The following ANKFN1 variants were observed in gnomAD, a reference collection of about 807,000 sequenced individuals.
The protein encoded by ANKFN1 is ankyrin repeat and fibronectin type-III domain-containing protein 1.
Under a neutral mutation model 108.7 loss-of-function variants are expected in ANKFN1, and 74 were observed. The ratio of observed to expected loss-of-function variants is 0.68; its 90% CI spans 0.56 to 0.83. ANKFN1 has a LOEUF of 0.83. Ranked by LOEUF, ANKFN1 falls within the 40% of genes least tolerant of loss-of-function variation. The pLI is 0.00. For missense variants in ANKFN1, 1,505 were observed against 1,382.3 expected, an observed-to-expected ratio of 1.09 and a Z score of -1.41; for synonymous variants, 547 against 516.2, an observed-to-expected ratio of 1.06 and a Z score of -0.81.
chr17:56,496,004 T>A (rs1255781756), intron 19 of ANKFN1, among the ~76,000 whole-genome samples: 1 of 152,110 alleles, frequency 6.6e-6, no homozygotes, highest in African/African-American at 2.4e-5. Context: ...TTTTTTAAAA[T>A]GTGTCAGCAA....
Position 56,510,616 on chromosome 17 carries a change from A to G in ANKFN1, c.2788A>G (p.Ser930Gly). The G allele has an allele frequency of 6.5e-7, 1 of 1,536,146 alleles. No homozygotes were observed. The highest frequency in any genetic ancestry group is 8.7e-7 in the Non-Finnish European group (1 of 1,146,912). Residue 930 changes from serine to glycine, a missense_variant, in exon 21 of 21, where the codon AGC (serine) becomes GGC (glycine). Transcript: ENST00000682825. The part of the protein sequence containing the change: ...SSHDIAQQTL[S>G]GLSGSAPDVL... ...TCACGACATTGCGCAGCAGACCCTT[A>G]GCGGCCTAAGCGGCAGCGCCCCCGA...
Position 56,426,842 on chromosome 17 carries a change from C to A in ANKFN1, c.911-13485C>A, listed in dbSNP as rs147293100. Among the ~76,000 whole-genome samples, 328 of 152,316 alleles carry A rather than the reference C, an allele frequency of 2.2e-3. 1 individual carries two copies. Among genetic ancestry groups the A allele is most frequent in the African/African-American group, 7.5e-3 (310 of 41,566 alleles). On this transcript the variant is annotated intron_variant, in intron 8 of 20. Transcript: ENST00000682825. The stretch of plus-strand genomic sequence containing the variant: ...ATGGAGATTTATGTCTCAACATCAG[C>A]CAGTCTGATCATCACAAAAGCAGAA...
At chr17:56,125,551 C>T (rs958154616) in intron 4 of ANKFN1, among the ~76,000 whole-genome samples, 2 of 152,160 alleles carry the variant, frequency 1.3e-5, no homozygotes, top group African/African-American at 2.4e-5. Flanking sequence ...TTACCATGTT[C>T]CAGATACTGG....
Position 56,322,993 on chromosome 17 carries a change from C to T in ANKFN1, c.54-3228C>T, listed in dbSNP as rs529257467. Among the ~76,000 whole-genome samples, 3 of 152,256 alleles carry T rather than the reference C, an allele frequency of 2.0e-5. 1 individual carries two copies. In the South Asian group the frequency reaches 6.2e-4, roughly 32 times the overall value. On this transcript the variant is annotated intron_variant, in intron 3 of 20. Transcript: ENST00000682825. Reference sequence around the variant, plus strand: ...CTTTCTTAATTTTACTGAGCACTTACTAGGGCTGGAGGTGTAGTGGCTGAA... The same window carrying T: ...CTTTCTTAATTTTACTGAGCACTTATTAGGGCTGGAGGTGTAGTGGCTGAA...
At chr17:56,121,961 G>A (rs1210200124) in intron 4 of ANKFN1, among the ~76,000 whole-genome samples, 2 of 152,110 alleles carry the variant, frequency 1.3e-5, no homozygotes, top group Non-Finnish European at 2.9e-5. Context: ...GCTGGGGGGA[G>A]GTAGTTTGGG....
intron 3 of ANKFN1, among the ~76,000 whole-genome samples, chr17:56,291,399 C>A (rs539502178): frequency 7.3e-4 from 111 of 152,250 alleles, no homozygotes; most frequent in African/African-American, 2.6e-3. Context: ...CCAAGTAGGG[C>A]AAATCAATCT....
intron 4 of ANKFN1, among the ~76,000 whole-genome samples, chr17:56,135,592 T>C (rs1907551075): frequency 6.6e-6 from 1 of 152,194 alleles, no homozygotes; most frequent in African/African-American, 2.4e-5. Flanking sequence ...CATTAACTTG[T>C]TCCAGTCAGT....
rs550708791 is a variant in ANKFN1 at position 56,486,312 on chromosome 17, C to T, written c.2260+3788C>T. Among the ~76,000 whole-genome samples the T allele has an allele frequency of 5.3e-5, 8 of 152,252 alleles. No individual in the cohort carries two copies. In the East Asian group the frequency reaches 1.5e-3, roughly 29 times the overall value. On this transcript the variant is annotated intron_variant, in intron 18 of 20. Transcript: ENST00000682825. ...TTGGGCTCGGTTCCATTGGCATAAA[C>T]AATTCTATTAGTCTTTTTTTAGGGA...
intron 3 of ANKFN1, among the ~76,000 whole-genome samples, chr17:56,269,284 T>G (rs1021882324): frequency 1.3e-5 from 2 of 152,218 alleles, no homozygotes; most frequent in African/African-American, 4.8e-5. Flanking sequence ...CTCTTCCAGA[T>G]AAGGTGATTG....
intron 3 of ANKFN1, among the ~76,000 whole-genome samples, chr17:56,313,899 G>A (rs1012223024): frequency 5.9e-5 from 9 of 152,168 alleles, no homozygotes; most frequent in African/African-American, 1.9e-4. Flanking sequence ...CGGCCTGAAA[G>A]TTTCCTTCTG....
chr17:56,052,799 G>T (rs1276712897), intron 4 of ANKFN1, among the ~76,000 whole-genome samples: 1 of 152,144 alleles, frequency 6.6e-6, no homozygotes, highest in African/African-American at 2.4e-5. Flanking sequence ...GAGAAACAAG[G>T]AAGTTATACC....
chr17:56,411,178 C>T (rs1421388638), intron 8 of ANKFN1, among the ~76,000 whole-genome samples: 1 of 152,146 alleles, frequency 6.6e-6, no homozygotes, highest in Admixed American at 6.5e-5. Flanking sequence ...CAATTTTTCT[C>T]ATCACTGTTT....
At position 56,083,644 on chromosome 17, in the gene ANKFN1, A is replaced by G. The variant is rs1481424379; in HGVS notation, c.288+37319A>G. On this transcript the variant is annotated intron_variant, in intron 4 of 12. Coordinates refer to the ANKFN1 transcript ENST00000635860. ...ATGACTGAGATATTTTTAGATGCCC[A>G]TGTTCTGACTTTAAGCAAAAAGTGG... is the stretch of plus-strand genomic sequence containing the variant. Among the ~76,000 whole-genome samples the G allele has an allele frequency of 1.3e-5, 2 of 151,350 alleles. 1 individual carries two copies. Among genetic ancestry groups the G allele is most frequent in the Admixed American group, 1.3e-4 (2 of 15,172 alleles).
At chr17:56,454,054 A>G (rs1276904046) in intron 11 of ANKFN1, among the ~76,000 whole-genome samples, 1 of 152,096 alleles carries the variant, frequency 6.6e-6, no homozygotes, top group African/African-American at 2.4e-5. Flanking sequence ...CATTTTCTTA[A>G]ATTACTTCTT....
intron 8 of ANKFN1, among the ~76,000 whole-genome samples, chr17:56,435,316 G>C (rs1226701739): frequency 1.3e-5 from 2 of 152,158 alleles, no homozygotes; most frequent in Non-Finnish European, 2.9e-5. Context: ...ATCAGACATG[G>C]TCCTTGCCCT....
chr17:56,098,815 T>G (rs1383805645), intron 4 of ANKFN1, among the ~76,000 whole-genome samples: 1 of 152,110 alleles, frequency 6.6e-6, no homozygotes, highest in Admixed American at 6.6e-5. Flanking sequence ...TTTATTCTAC[T>G]GCTGCCGAGA....
At chr17:56,123,795 T>TG (rs1906759352) in intron 4 of ANKFN1, among the ~76,000 whole-genome samples, 2 of 144,812 alleles carry the variant, frequency 1.4e-5, no homozygotes, top group Middle Eastern at 3.4e-3. Flanking sequence ...GCATGACTGA[T>TG]TGTGTGTGTG....
chr17:56,451,019 A>C (rs2049465841), intron 11 of ANKFN1, among the ~76,000 whole-genome samples: 1 of 152,186 alleles, frequency 6.6e-6, no homozygotes, highest in Non-Finnish European at 1.5e-5. Flanking sequence ...GAACTTTCCA[A>C]AAAAGAAGAA....
At chr17:56,242,797 A>G (rs1917684760) in intron 3 of ANKFN1, among the ~76,000 whole-genome samples, 1 of 152,068 alleles carries the variant, frequency 6.6e-6, no homozygotes, top group South Asian at 2.1e-4. Flanking sequence ...TGTGTGCTGT[A>G]TGTTTTTTGT....
Sources: allele counts gnomAD v4.1 joint callset (sites outside exome capture counted in the v4.1 genomes callset), GRCh38; gene constraint gnomAD v4.1.1; transcripts MANE v1.5; gene names NCBI Gene and HGNC (gene_info 2026-07-23, HGNC 2026-07-21).